Variants in C12orf56 observed in about 807,000 individuals in gnomAD.
The protein encoded by C12orf56 is chromosome 12 open reading frame 56, also known as uncharacterized protein C12orf56.
In C12orf56, 71 loss-of-function variants were observed where a neutral mutation model predicts 69.9. That is an observed-to-expected ratio of 1.02 (90% confidence interval 0.84 to 1.24). The LOEUF (loss-of-function observed/expected upper bound fraction) is 1.24, where lower values mean the gene tolerates loss of function less well. C12orf56 is among the 50% of genes most tolerant of loss of function. The probability of loss-of-function intolerance (pLI) is 0.00; values close to 1 mark genes in which losing one functional copy is unlikely to be tolerated. For synonymous variants in C12orf56, 276 were observed against 274.1 expected (o/e 1.01, Z -0.07); for missense variants, 732 against 738.5 (o/e 0.99, Z 0.10).
At chr12:64,276,993 T>TAAAAAGAAAAA (rs2038059148) in intron 9 of C12orf56, among the ~76,000 whole-genome samples, 1 of 69,218 alleles carries the variant, frequency 1.4e-5, no homozygotes, top group Non-Finnish European at 2.8e-5. Flanking sequence ...AACCCTTTCT[T>TAAAAAGAAAAA]AAAAAAAAAA....
At chr12:64,373,217 T>C (rs1478400277) in intron 1 of C12orf56, among the ~76,000 whole-genome samples, 1 of 152,070 alleles carries the variant, frequency 6.6e-6, no homozygotes, top group African/African-American at 2.4e-5. Flanking sequence ...TGAAATCTAA[T>C]ATGGAGGCAA....
At chr12:64,297,463 C>T (rs559076527) in intron 6 of C12orf56, among the ~76,000 whole-genome samples, 2 of 152,100 alleles carry the variant, frequency 1.3e-5, no homozygotes, top group South Asian at 4.2e-4. Context: ...ATACACATGC[C>T]ATGGTGGTTT....
At chr12:64,317,861 C>A (rs569195576) in intron 4 of C12orf56, among the ~76,000 whole-genome samples, 1 of 152,208 alleles carries the variant, frequency 6.6e-6, no homozygotes, top group South Asian at 2.1e-4. Flanking sequence ...ATAACAAGGT[C>A]TCCCCCATCA....
intron 3 of C12orf56, among the ~76,000 whole-genome samples, chr12:64,327,865 G>T (rs1429984244): frequency 6.6e-6 from 1 of 152,132 alleles, no homozygotes; most frequent in East Asian, 1.9e-4. Flanking sequence ...CCTTAACCTT[G>T]AACTTACTTA....
intron 1 of C12orf56, among the ~76,000 whole-genome samples, chr12:64,365,639 C>T (rs2039456613): frequency 1.3e-5 from 2 of 148,156 alleles, no homozygotes; most frequent in Admixed American, 6.9e-5. Context: ...GTGGCTCATG[C>T]CTGTAATATC....
At chr12:64,328,779 T>C (rs1241923145) in intron 3 of C12orf56, among the ~76,000 whole-genome samples, 2 of 147,392 alleles carry the variant, frequency 1.4e-5, no homozygotes, top group African/African-American at 5.0e-5. Flanking sequence ...ACAACTTTTT[T>C]TTTTGTCCAG....
At chr12:64,322,719 G>A (rs2038788500) in intron 3 of C12orf56, among the ~76,000 whole-genome samples, 3 of 152,112 alleles carry the variant, frequency 2.0e-5, no homozygotes. Context: ...GCACCTAGGA[G>A]GTGTTTCAAA....
intron 5 of C12orf56, among the ~76,000 whole-genome samples, chr12:64,308,633 A>G (rs7964409): frequency 0.41 from 61,989 of 151,376 alleles, 12,764 homozygotes; most frequent in African/African-American, 0.42. Flanking sequence ...ACCTGAGGTC[A>G]GTCATTCGAG....
At position 64,387,565 on chromosome 12, in the gene C12orf56, G is replaced by A. The variant is rs181460553; in HGVS notation, c.252+2749C>T. 5.3e-5 allele frequency among the ~76,000 whole-genome samples: 8 copies of A among 152,216 alleles called. No homozygotes were observed. The East Asian group carries it at 1.6e-3, about 30-fold the overall frequency. ...AGGCACAGTGGCTCATGCTTGTAAT[G>A]TAATGCCAACACTTTGGGAGGCCAA... is the stretch of plus-strand genomic sequence containing the variant. On this transcript the variant is annotated intron_variant, in intron 1 of 12. Coordinates refer to ENST00000543942, the MANE Select transcript of C12orf56 (RefSeq NM_001170633.2).
intron 1 of C12orf56, among the ~76,000 whole-genome samples, chr12:64,364,943 A>C (rs2039445139): frequency 6.6e-6 from 1 of 152,022 alleles, no homozygotes; most frequent in Non-Finnish European, 1.5e-5. Context: ...CCACTGCCCC[A>C]TCCTTCCTCT....
rs558877850 is a variant in C12orf56, at chr12:64,284,187, C to T, written c.1310+477G>A. On this transcript the variant is annotated intron_variant, in intron 8 of 12. Transcript: ENST00000543942. ...TGCTGGGATTACAGGCGTGAGCCACCGTGCCTGGCCTAGAGTGTCTTTATT... is the reference window on the plus strand; with the variant it reads ...TGCTGGGATTACAGGCGTGAGCCACTGTGCCTGGCCTAGAGTGTCTTTATT... Among the ~76,000 whole-genome samples the T allele has an allele frequency of 4.6e-5, 7 of 152,084 alleles. No homozygotes were observed. The East Asian group carries it at 1.3e-3, about 29-fold the overall frequency.
chr12:64,300,927 C>T (rs754089384), intron 6 of C12orf56, among the ~76,000 whole-genome samples: 11 of 152,124 alleles, frequency 7.2e-5, no homozygotes, highest in African/African-American at 7.2e-5. Context: ...GAGGGAGGGT[C>T]CTGGTGGGAG....
At position 64,300,916 on chromosome 12, in the gene C12orf56, C is replaced by T. The variant is rs1391779216; in HGVS notation, c.1113+2719G>A. Reference sequence around the variant, plus strand: ...CATCTTGAATTGTAATCCCCACTGTCGAGGGAGGGTCCTGGTGGGAGGTGA... The same window carrying T: ...CATCTTGAATTGTAATCCCCACTGTTGAGGGAGGGTCCTGGTGGGAGGTGA... On this transcript the variant is annotated intron_variant, in intron 6 of 12. Transcript: ENST00000543942. Among the ~76,000 whole-genome samples the T allele has an allele frequency of 4.6e-5, 7 of 152,190 alleles. No homozygotes were observed. In the East Asian group the frequency reaches 1.2e-3, roughly 25 times the overall value.
chr12:64,361,117 G>T (rs1487983519), intron 1 of C12orf56, among the ~76,000 whole-genome samples: 3 of 152,164 alleles, frequency 2.0e-5, no homozygotes, highest in Non-Finnish European at 4.4e-5. Flanking sequence ...TACTCAGGAG[G>T]CTGAGGCAGG....
rs1179435825 is a variant in C12orf56 at position 64,346,507 on chromosome 12, T to C, written c.415+6387A>G. Among the ~76,000 whole-genome samples the C allele has an allele frequency of 8.5e-5, 13 of 152,194 alleles. No homozygotes were observed. The East Asian group carries it at 2.5e-3, about 29-fold the overall frequency. On this transcript the variant is annotated intron_variant, in intron 2 of 12. Transcript: ENST00000543942. ...TCAATTCAATCAAGTTGACACTCAG[T>C]ATTAATCATCATAGTGCCCAACCCA...
At chr12:64,330,595 A>G (rs1277689439) in intron 3 of C12orf56, among the ~76,000 whole-genome samples, 1 of 152,206 alleles carries the variant, frequency 6.6e-6, no homozygotes, top group African/African-American at 2.4e-5. Context: ...CTTAGTTAGA[A>G]TCAGCTTCTC....
At chr12:64,336,388 A>C (rs2038996866) in intron 2 of C12orf56, among the ~76,000 whole-genome samples, 1 of 152,168 alleles carries the variant, frequency 6.6e-6, no homozygotes, top group Middle Eastern at 3.2e-3. Context: ...ATCACTTGCA[A>C]AGTTTCTAGG....
Position 64,318,614 on chromosome 12 carries a change from T to C in C12orf56, c.855A>G (p.Ile285Met). The change falls in exon 4 of 13, where the codon ATA becomes ATG. Residue 285 changes from isoleucine (I) to methionine (M), a missense_variant. Coordinates refer to ENST00000543942, the MANE Select transcript of C12orf56 (RefSeq NM_001170633.2). Reference protein sequence around the residue: ...HLYVISTTSSIFLHLKSSWNN... With the variant: ...HLYVISTTSSMFLHLKSSWNN... ...TCCATGAACTTTTTAAGTGCAGAAA[T>C]ATTGATGAGGTTGTGGAAATAACAT... The C allele has an allele frequency of 6.5e-7, 1 of 1,536,552 alleles. No individual in the cohort carries two copies. The highest frequency in any genetic ancestry group is 8.7e-7 in the Non-Finnish European group (1 of 1,146,476).
chr12:64,380,664 C>A (rs187026475), intron 1 of C12orf56, among the ~76,000 whole-genome samples: 7 of 152,152 alleles, frequency 4.6e-5, no homozygotes, highest in Non-Finnish European at 8.8e-5. Context: ...AGAGAGGCAT[C>A]CTCGTGGAAG....
Sources: gnomAD v4.1 joint callset for allele counts (sites outside exome capture counted in the v4.1 genomes callset) on GRCh38, gnomAD v4.1.1 for gene constraint, MANE v1.5 for transcripts, NCBI Gene and HGNC (gene_info 2026-07-23, HGNC 2026-07-21) for gene names.